The following FAM3B variants were observed in gnomAD, a reference collection of about 807,000 sequenced individuals.
FAM3B encodes the protein protein FAM3B.
FAM3B carries 29 observed loss-of-function variants against 28.4 expected under a neutral mutation model. That is an observed-to-expected ratio of 1.02 (90% CI 0.76 to 1.39). FAM3B has a LOEUF of 1.39. Among genes scored for constraint, FAM3B ranks in the 40% most tolerant of loss-of-function variants. The pLI, the probability that FAM3B is intolerant of heterozygous loss-of-function variation, is 0.00. For synonymous variants in FAM3B, 91 were observed against 103.0 expected (o/e 0.88, Z 0.71); for missense variants, 266 against 293.9 (o/e 0.91, Z 0.69).
intron 1 of FAM3B, chr21:41,319,894 T>C (rs1416500999): frequency 6.6e-6 from 1 of 151,880 alleles, no homozygotes; most frequent in Admixed American, 6.6e-5. Flanking sequence ...GATCTGGAGA[T>C]AGGGTCGTTA....
At chr21:41,324,685 G>A (rs2145801804) in intron 2 of FAM3B, among the ~76,000 whole-genome samples, 1 of 152,310 alleles carries the variant, frequency 6.6e-6, no homozygotes, top group South Asian at 2.1e-4. Flanking sequence ...GAGTGCACGT[G>A]TTTTAAGGTT....
At chr21:41,337,080 G>A (rs1445136016) in intron 2 of FAM3B, among the ~76,000 whole-genome samples, 2 of 152,134 alleles carry the variant, frequency 1.3e-5, no homozygotes, top group African/African-American at 4.8e-5. Flanking sequence ...TTTCCTGGTT[G>A]TTTTGTAGGT....
intron 1 of FAM3B, among the ~76,000 whole-genome samples, chr21:41,308,535 C>CTT (rs562737882): frequency 8.4e-4 from 100 of 119,500 alleles, no homozygotes; most frequent in Non-Finnish European, 1.4e-3. Context: ...TTTTTCTTTT[C>CTT]TTTTTTTTTT....
chr21:41,318,008 T>C (rs2088766315), intron 1 of FAM3B, among the ~76,000 whole-genome samples: 1 of 152,188 alleles, frequency 6.6e-6, no homozygotes, highest in Admixed American at 6.6e-5. Flanking sequence ...AAAAGTGTTT[T>C]CTATTATTTC....
intron 7 of FAM3B, among the ~76,000 whole-genome samples, chr21:41,351,502 G>A (rs1016851811): frequency 5.9e-5 from 9 of 152,230 alleles, no homozygotes; most frequent in Admixed American, 2.6e-4. Context: ...GTGAGGTCTG[G>A]ACTGGTAGCC....
At chr21:41,336,059 G>C (rs1286161085) in intron 2 of FAM3B, among the ~76,000 whole-genome samples, 1 of 152,152 alleles carries the variant, frequency 6.6e-6, no homozygotes, top group Non-Finnish European at 1.5e-5. Flanking sequence ...AATGGGATTA[G>C]AGCCTCTACG....
chr21:41,339,542 A>G (rs2088985294), intron 3 of FAM3B, among the ~76,000 whole-genome samples: 1 of 152,216 alleles, frequency 6.6e-6, no homozygotes, highest in Admixed American at 6.5e-5. Flanking sequence ...AGCATTTACA[A>G]TTCAAATTCA....
intron 7 of FAM3B, among the ~76,000 whole-genome samples, chr21:41,356,162 T>C (rs2089165985): frequency 6.6e-6 from 1 of 152,092 alleles, no homozygotes; most frequent in Non-Finnish European, 1.5e-5. Flanking sequence ...TAAATTTACA[T>C]TTTATACTTA....
intron 1 of FAM3B, among the ~76,000 whole-genome samples, chr21:41,321,342 C>T (rs1439519621): frequency 6.6e-6 from 1 of 152,178 alleles, no homozygotes; most frequent in Non-Finnish European, 1.5e-5. Context: ...GGGGAGAGCA[C>T]CCTCTAGGCA....
intron 2 of FAM3B, among the ~76,000 whole-genome samples, chr21:41,335,367 G>A (rs1360417344): frequency 6.6e-6 from 1 of 152,194 alleles, no homozygotes; most frequent in Admixed American, 6.5e-5. Context: ...TTGGAGGTGG[G>A]GCATGGTGGG....
intron 5 of FAM3B, chr21:41,346,110 C>T (rs2145827263): frequency 4.9e-6 from 1 of 205,328 alleles, no homozygotes; most frequent in Non-Finnish European, 9.7e-6. Flanking sequence ...AAAGCTGTCA[C>T]GATTACTCCT....
intron 2 of FAM3B, among the ~76,000 whole-genome samples, chr21:41,336,216 C>T (rs915860171): frequency 1.3e-5 from 2 of 152,200 alleles, no homozygotes; most frequent in Admixed American, 6.5e-5. Context: ...TTGGATTTCC[C>T]AGCCTCTAGA....
intron 5 of FAM3B, chr21:41,345,943 C>A (rs1370894212): frequency 2.2e-6 from 1 of 451,838 alleles, no homozygotes; most frequent in African/African-American, 2.1e-5. Context: ...CTAGAAATGT[C>A]TTTTCTTCTG....
At chr21:41,349,655 T>C (rs2089096882) in intron 7 of FAM3B, among the ~76,000 whole-genome samples, 1 of 152,160 alleles carries the variant, frequency 6.6e-6, no homozygotes, top group Non-Finnish European at 1.5e-5. Context: ...CGGCATCTTC[T>C]TGTTGCCATG....
intron 1 of FAM3B, among the ~76,000 whole-genome samples, chr21:41,321,725 A>G (rs2088808229): frequency 6.6e-6 from 1 of 152,226 alleles, no homozygotes; most frequent in Admixed American, 6.5e-5. Context: ...CTGGGCCTCC[A>G]AGCAATAGCA....
chr21:41,354,285 G>A (rs2089146214), intron 7 of FAM3B, among the ~76,000 whole-genome samples: 1 of 152,178 alleles, frequency 6.6e-6, no homozygotes. Flanking sequence ...CCATTACTGG[G>A]AATATTCCTA....
intron 1 of FAM3B, among the ~76,000 whole-genome samples, chr21:41,318,985 T>C (rs1222510451): frequency 1.3e-5 from 2 of 152,210 alleles, no homozygotes; most frequent in Admixed American, 1.3e-4. Context: ...CTTGAACTTC[T>C]AGGTTCACGA....
rs1479688675 is a variant in FAM3B, at chr21:41,348,617, A to G, written c.511A>G (p.Ile171Val). The G allele has an allele frequency of 6.8e-6, 11 of 1,614,238 alleles. No homozygotes were observed. Among genetic ancestry groups the G allele is most frequent in the Non-Finnish European group, 9.3e-6 (11 of 1,180,042 alleles). ...TRLNNDAKNA[I>V]EALGSKEIRN... ...ACTGAATAACGATGCCAAGAATGCC[A>G]TAGAAGCACTTGGAAGTAAAGAAAT... The change falls in exon 7 of 8, where the codon ATA becomes GTA. Residue 171 changes from isoleucine (I) to valine (V), a missense_variant. Coordinates refer to ENST00000357985, the MANE Select transcript of FAM3B (RefSeq NM_058186.4).
Position 41,357,156 on chromosome 21 carries a change from G to A in FAM3B, c.667G>A (p.Glu223Lys), listed in dbSNP as rs756632853. The change falls in exon 8 of 8, where the codon GAG (glutamate) becomes AAG (lysine). Residue 223 changes from glutamate (E) to lysine (K), a missense_variant. Transcript: ENST00000357985. ...KNNRYSGWPAEIQIEGCIPKE... is the reference protein window; with the variant it reads ...KNNRYSGWPAKIQIEGCIPKE... ...CAACAGATATTCTGGCTGGCCTGCA[G>A]AGATCCAGATAGAAGGCTGCATACC... 1.9e-6 allele frequency: 3 copies of A among 1,613,790 alleles called. No homozygotes were observed. Among genetic ancestry groups the A allele is most frequent in the Non-Finnish European group, 2.5e-6 (3 of 1,179,846 alleles).
Sources: allele counts gnomAD v4.1 joint callset (sites outside exome capture counted in the v4.1 genomes callset), GRCh38; gene constraint gnomAD v4.1.1; transcripts MANE v1.5; gene names NCBI Gene and HGNC (gene_info 2026-07-23, HGNC 2026-07-21).